Variants in ADGRV1 observed in about 807,000 individuals in gnomAD.
ADGRV1 encodes G-protein coupled receptor 98.
Under a neutral mutation model 596.2 loss-of-function variants are expected in ADGRV1, and 359 were observed. That is an observed-to-expected ratio of 0.60 (90% CI 0.55 to 0.66). The LOEUF (loss-of-function observed/expected upper bound fraction) is 0.66, where lower values mean the gene tolerates loss of function less well. Ranked by LOEUF, ADGRV1 falls within the 30% of genes least tolerant of loss-of-function variation. The probability of loss-of-function intolerance (pLI) is 0.00; values close to 1 mark genes in which losing one functional copy is unlikely to be tolerated. For missense variants in ADGRV1, 7,274 were observed against 7,575.6 expected (o/e 0.96, Z 1.48); for synonymous variants, 2,681 against 2,679.2 (o/e 1.00, Z -0.02).
chr5:91,141,314 T>C (rs1025254561), intron 87 of ADGRV1, among the ~76,000 whole-genome samples: 4 of 152,224 alleles, frequency 2.6e-5, no homozygotes, highest in Admixed American at 6.5e-5. Flanking sequence ...TAAGTAATTA[T>C]AGAAGAATTT....
At chr5:90,704,354 C>A in intron 35 of ADGRV1, 35 bp from the exon 36 acceptor site, 1 of 1,266,678 alleles carries the variant, frequency 7.9e-7, no homozygotes, top group Non-Finnish European at 1.1e-6. Context: ...TATTCAATAA[C>A]GACAGCGGGA....
intron 26 of ADGRV1, among the ~76,000 whole-genome samples, chr5:90,680,034 C>G (rs961171698): frequency 6.6e-6 from 1 of 152,092 alleles, no homozygotes; most frequent in African/African-American, 2.4e-5. Context: ...CACTTATTCT[C>G]TGTACAAAAA....
intron 78 of ADGRV1, among the ~76,000 whole-genome samples, chr5:90,843,233 G>A (rs1765585159): frequency 6.6e-6 from 1 of 152,170 alleles, no homozygotes; most frequent in Non-Finnish European, 1.5e-5. Context: ...AAGAAAAAAG[G>A]AGAGGGACCT....
intron 59 of ADGRV1, among the ~76,000 whole-genome samples, chr5:90,770,883 T>A (rs1169608005): frequency 6.6e-6 from 1 of 152,184 alleles, no homozygotes; most frequent in Admixed American, 6.6e-5. Context: ...TGTCTTATTC[T>A]TACACAAATG....
At chr5:90,865,482 T>G (rs1161598730) in intron 83 of ADGRV1, among the ~76,000 whole-genome samples, 2 of 152,148 alleles carry the variant, frequency 1.3e-5, no homozygotes, top group Non-Finnish European at 2.9e-5. Flanking sequence ...GTTGGAGCAC[T>G]GACTTTTGAT....
intron 80 of ADGRV1, 56 bp downstream of exon 80, chr5:90,853,589 G>A: frequency 1.3e-6 from 2 of 1,522,552 alleles, no homozygotes; most frequent in Non-Finnish European, 8.9e-7. Context: ...TTCTTTAGCA[G>A]GCACACTTGG....
At chr5:90,817,836 A>G (rs537182520) in intron 75 of ADGRV1, among the ~76,000 whole-genome samples, 7,035 of 151,934 alleles carry the variant, frequency 0.046, 579 homozygotes, top group African/African-American at 0.16. Context: ...ATAGTTTGAA[A>G]TCAGGTAGTG....
At chr5:91,012,612 A>G (rs989114713) in intron 85 of ADGRV1, among the ~76,000 whole-genome samples, 1 of 151,954 alleles carries the variant, frequency 6.6e-6, no homozygotes, top group African/African-American at 2.4e-5. Flanking sequence ...AATGTGCTCA[A>G]TGCTGAGGGA....
chr5:90,705,110 A>G (rs936038550), intron 36 of ADGRV1, among the ~76,000 whole-genome samples: 2 of 152,096 alleles, frequency 1.3e-5, no homozygotes, highest in African/African-American at 4.8e-5. Flanking sequence ...ACCCGGCCCA[A>G]ATTGAGTCAT....
chr5:90,624,742 A>G (rs1764517479), intron 5 of ADGRV1, among the ~76,000 whole-genome samples: 6 of 152,222 alleles, frequency 3.9e-5, no homozygotes, highest in Admixed American at 3.9e-4. Flanking sequence ...ATGCTTTTTT[A>G]AATGAATGAT....
intron 85 of ADGRV1, among the ~76,000 whole-genome samples, chr5:91,048,606 A>C (rs1013820667): frequency 6.6e-6 from 1 of 152,200 alleles, no homozygotes; most frequent in South Asian, 2.1e-4. Context: ...TGCCAAAAAA[A>C]TAAATAAATA....
At chr5:90,769,632 C>G (rs1180738070) in intron 59 of ADGRV1, among the ~76,000 whole-genome samples, 2 of 152,030 alleles carry the variant, frequency 1.3e-5, no homozygotes, top group Non-Finnish European at 2.9e-5. Context: ...TTTATTGTTT[C>G]TCATGAACAT....
chr5:90,816,369 T>G (rs1044519696), intron 75 of ADGRV1, among the ~76,000 whole-genome samples: 38 of 149,628 alleles, frequency 2.5e-4, no homozygotes, highest in South Asian at 4.2e-4. Context: ...TAATTTTCTG[T>G]TTTTTTTTAA....
chr5:90,758,863 A>C (rs1756131411), intron 57 of ADGRV1, among the ~76,000 whole-genome samples: 2 of 152,204 alleles, frequency 1.3e-5, no homozygotes, highest in Non-Finnish European at 2.9e-5. Flanking sequence ...GGAATAGCAA[A>C]TTTGGGTTTT....
intron 86 of ADGRV1, among the ~76,000 whole-genome samples, chr5:91,087,046 T>C (rs1377872913): frequency 6.6e-6 from 1 of 152,200 alleles, no homozygotes; most frequent in African/African-American, 2.4e-5. Context: ...CCTCTCTTTA[T>C]GCTGCTCTCA....
rs568521773 is a variant in ADGRV1 at position 90,790,358 on chromosome 5, C to G, written c.14043+507C>G. On this transcript the variant is annotated intron_variant, in intron 69 of 89. Coordinates refer to ENST00000405460, the MANE Select transcript of ADGRV1 (RefSeq NM_032119.4). Reference sequence around the variant, plus strand: ...GAAAAACATATTTTGTGAAATTTCTCTATACACTGACCTCTCTTTCTGTAT... The same window carrying G: ...GAAAAACATATTTTGTGAAATTTCTGTATACACTGACCTCTCTTTCTGTAT... Among the ~76,000 whole-genome samples, 649 of 152,292 alleles carry G rather than the reference C, an allele frequency of 4.3e-3. 2 individuals are homozygous for G. Among genetic ancestry groups the G allele is most frequent in the Non-Finnish European group, 7.5e-3 (508 of 68,012 alleles).
intron 83 of ADGRV1, among the ~76,000 whole-genome samples, chr5:90,928,856 G>C (rs1458030485): frequency 6.7e-6 from 1 of 149,108 alleles, no homozygotes; most frequent in East Asian, 2.0e-4. Flanking sequence ...TAACAGACAG[G>C]ACCCTCAGCT....
intron 89 of ADGRV1, among the ~76,000 whole-genome samples, chr5:91,153,924 A>G (rs887050676): frequency 1.3e-5 from 2 of 152,256 alleles, no homozygotes; most frequent in African/African-American, 2.4e-5. Flanking sequence ...AAAACAGTCC[A>G]AGAGGTCCCA....
intron 59 of ADGRV1, among the ~76,000 whole-genome samples, chr5:90,765,289 G>A (rs1209704419): frequency 6.6e-6 from 1 of 152,124 alleles, no homozygotes; most frequent in Non-Finnish European, 1.5e-5. Flanking sequence ...GGTGACTGTA[G>A]TCACCCTGTG....
Sources: allele counts gnomAD v4.1 joint callset (sites outside exome capture counted in the v4.1 genomes callset), GRCh38; gene constraint gnomAD v4.1.1; transcripts MANE v1.5; gene names NCBI Gene and HGNC (gene_info 2026-07-23, HGNC 2026-07-21).